Variants in TMEM44 observed in about 807,000 individuals in gnomAD.
TMEM44 encodes transmembrane protein 44.
TMEM44 carries 43 observed loss-of-function variants against 47.8 expected under a neutral mutation model. That is an observed-to-expected ratio of 0.90 (90% CI 0.70 to 1.16). The LOEUF is 1.16. Among genes scored for constraint, TMEM44 ranks in the 50% most tolerant of loss-of-function variants. The pLI, the probability that TMEM44 is intolerant of heterozygous loss-of-function variation, is 0.00. For synonymous variants in TMEM44, 277 were observed against 238.8 expected (o/e 1.16, Z -1.48); for missense variants, 568 against 555.2 (o/e 1.02, Z -0.23).
At chr3:194,609,886 T>C (rs1164552654) in intron 8 of TMEM44, among the ~76,000 whole-genome samples, 1 of 152,148 alleles carries the variant, frequency 6.6e-6, no homozygotes, top group Non-Finnish European at 1.5e-5. Flanking sequence ...AATGCACATC[T>C]GACCCTGAGT....
intron 9 of TMEM44, among the ~76,000 whole-genome samples, chr3:194,592,405 A>G (rs981179466): frequency 6.6e-6 from 1 of 152,230 alleles, no homozygotes; most frequent in Non-Finnish European, 1.5e-5. Flanking sequence ...CCAGGGTCCC[A>G]GAATGACAAT....
chr3:194,616,860 A>T, intron 6 of TMEM44: 1 of 548,782 alleles, frequency 1.8e-6, no homozygotes, highest in South Asian at 2.1e-5. Flanking sequence ...ACGCCACTGC[A>T]CTCCAGCCTG....
rs959313137 is a variant in TMEM44 at position 194,604,371 on chromosome 3, CG to C, written c.1091del (p.Pro364ArgfsTer35). 3 of 1,561,178 alleles carry C rather than the reference CG, an allele frequency of 1.9e-6. No homozygotes were observed. Among genetic ancestry groups the C allele is most frequent in the Admixed American group, 1.9e-5 (1 of 52,156 alleles). On this transcript the variant is annotated frameshift_variant, in exon 9 of 10. Coordinates refer to ENST00000347147, the MANE Select transcript of TMEM44 (RefSeq NM_001011655.3). LOFTEE classifies it high-confidence loss of function. ...GGATGACCTGAACGGGAGGGTACGA[CG>C]GGGGGTCCTGCAGGGACGCATCTCC... ...SAGDASLQDP[P>X]SYPPVQVIRA... is the part of the protein sequence containing the mutation.
intron 1 of TMEM44, among the ~76,000 whole-genome samples, chr3:194,629,999 G>A (rs1717615122): frequency 1.3e-5 from 1 of 76,440 alleles, no homozygotes; most frequent in Non-Finnish European, 2.5e-5. Flanking sequence ...ATAGTATGCT[G>A]TCGTACCTGC....
chr3:194,633,000 C>G (rs1007424299), intron 1 of TMEM44, 79 bp downstream of exon 1: 1 of 1,506,644 alleles, frequency 6.6e-7, no homozygotes, highest in Admixed American at 2.0e-5. Flanking sequence ...GCCCCCTCCT[C>G]TAGGTTTCCG....
intron 9 of TMEM44, among the ~76,000 whole-genome samples, chr3:194,595,310 C>T (rs1292544361): frequency 1.3e-5 from 2 of 152,192 alleles, no homozygotes; most frequent in Non-Finnish European, 2.9e-5. Context: ...TCTAAAAGCA[C>T]ATTTTTCCTT....
chr3:194,626,990 C>T lies in TMEM44; in HGVS notation c.265-1000G>A, dbSNP rs1283809477. Among the ~76,000 whole-genome samples, 5 of 150,380 alleles carry T rather than the reference C, an allele frequency of 3.3e-5. No individual in the cohort carries two copies. The East Asian group carries it at 7.8e-4, about 23-fold the overall frequency. On this transcript the variant is annotated intron_variant, in intron 2 of 9. Coordinates refer to ENST00000347147, the MANE Select transcript of TMEM44 (RefSeq NM_001011655.3). ...AGGCTGGAGTGCAGTGGCACGATCT[C>T]GGCTTACTGCAACCTCCGCCTCCCA...
chr3:194,603,876 C>T (rs1292382390), intron 9 of TMEM44, among the ~76,000 whole-genome samples: 1 of 150,814 alleles, frequency 6.6e-6, no homozygotes, highest in South Asian at 2.1e-4. Context: ...TTTTTTGAGA[C>T]GGAGTCTCGT....
chr3:194,588,322 T>C lies in TMEM44; in HGVS notation c.*207A>G. On this transcript the variant is annotated 3_prime_UTR_variant, in exon 10 of 10. Transcript: ENST00000347147. ...TGATCTTCAGAACGAATGCTGGGCC[T>C]ATCCAGGTCTGTCCGCAGTACCCAA... 1 of 541,126 alleles carries C rather than the reference T, an allele frequency of 1.8e-6. No individual in the cohort carries two copies. The highest frequency in any genetic ancestry group is 3.3e-6 in the Non-Finnish European group (1 of 305,920). The allele number at this position is 541,126 out of a possible 1,614,324, so 33.5% of individuals were successfully genotyped here.
chr3:194,602,252 C>T (rs1461453459), intron 9 of TMEM44, among the ~76,000 whole-genome samples: 1 of 152,218 alleles, frequency 6.6e-6, no homozygotes, highest in South Asian at 2.1e-4. Flanking sequence ...CAAAGGCAAC[C>T]CAGGCCGCTG....
intron 3 of TMEM44, among the ~76,000 whole-genome samples, chr3:194,624,249 G>C (rs1242818599): frequency 1.3e-5 from 2 of 150,978 alleles, no homozygotes; most frequent in South Asian, 4.2e-4. Flanking sequence ...GGCTGGACTT[G>C]AACTCCTGGG....
At chr3:194,632,523 G>T (rs1717929706) in intron 1 of TMEM44, among the ~76,000 whole-genome samples, 1 of 152,178 alleles carries the variant, frequency 6.6e-6, no homozygotes, top group African/African-American at 2.4e-5. Flanking sequence ...ACAGACCAGG[G>T]CAAAGACAGG....
At chr3:194,608,884 T>C (rs1462946338) in intron 8 of TMEM44, among the ~76,000 whole-genome samples, 2 of 151,974 alleles carry the variant, frequency 1.3e-5, no homozygotes, top group African/African-American at 4.8e-5. Context: ...CAAGATGTCA[T>C]TTACATTTGT....
chr3:194,590,412 G>C (rs192081458), intron 9 of TMEM44, among the ~76,000 whole-genome samples: 2 of 152,176 alleles, frequency 1.3e-5, no homozygotes, highest in African/African-American at 4.8e-5. Flanking sequence ...TGAGAACATC[G>C]CATTAACTTG....
intron 3 of TMEM44, among the ~76,000 whole-genome samples, chr3:194,625,435 G>A (rs1036615830): frequency 8.5e-6 from 1 of 117,590 alleles, no homozygotes; most frequent in Non-Finnish European, 1.9e-5. Flanking sequence ...TTTTTTGGGG[G>A]GGGGGGGTTG....
intron 9 of TMEM44, among the ~76,000 whole-genome samples, chr3:194,595,076 CA>C (rs1189701677): frequency 1.3e-5 from 2 of 151,988 alleles, no homozygotes; most frequent in African/African-American, 4.8e-5. Context: ...GAACATTTTT[CA>C]AAAAACAAAG....
At chr3:194,599,965 G>T (rs1292232640) in intron 9 of TMEM44, among the ~76,000 whole-genome samples, 1 of 152,116 alleles carries the variant, frequency 6.6e-6, no homozygotes, top group East Asian at 1.9e-4. Context: ...TGACCATGTT[G>T]TTCAGGCTGG....
Position 194,617,267 on chromosome 3 carries a change from G to A in TMEM44, c.615C>T (p.Cys205=). The A allele has an allele frequency of 7.4e-7, 1 of 1,348,486 alleles. No individual in the cohort carries two copies. The highest frequency in any genetic ancestry group is 1.0e-6 in the Non-Finnish European group (1 of 991,454). 83.5% of individuals were successfully genotyped at this position (1,348,486 alleles called of 1,614,324 possible). ...GGATGGAGGGAAATGTCTTCCCCCGGCACTGGGCAGAGAGAGGGAGGGGCT... is the reference window on the plus strand; with the variant it reads ...GGATGGAGGGAAATGTCTTCCCCCGACACTGGGCAGAGAGAGGGAGGGGCT... The part of the protein sequence containing the change: ...ASRIPPLSRI[C]RGKTFPSIHL... Residue 205 remains cysteine, a splice_region_variant and synonymous_variant, in exon 6 of 10, where the codon TGC becomes TGT. Transcript: ENST00000347147.
intron 1 of TMEM44, 37 bp from the exon 2 acceptor site, chr3:194,628,546 G>A (rs1717424569): frequency 1.3e-6 from 2 of 1,572,136 alleles, no homozygotes; most frequent in Non-Finnish European, 1.7e-6. Flanking sequence ...CACAGCAACT[G>A]TGAGTTTGGA....
Sources: gnomAD v4.1 joint callset for allele counts (sites outside exome capture counted in the v4.1 genomes callset) on GRCh38, gnomAD v4.1.1 for gene constraint, MANE v1.5 for transcripts, NCBI Gene and HGNC (gene_info 2026-07-23, HGNC 2026-07-21) for gene names.